DNAJC1: variants seen among roughly 807,000 people sequenced by gnomAD.
DNAJC1 encodes DnaJ heat shock protein family (Hsp40) member C1, also known as dnaJ homolog subfamily C member 1.
Under a neutral mutation model 76.6 loss-of-function variants are expected in DNAJC1, and 58 were observed. The observed-to-expected ratio is 0.76, with a 90% CI of 0.61 to 0.94. The LOEUF (loss-of-function observed/expected upper bound fraction) is 0.94. Among genes scored for constraint, DNAJC1 ranks in the 40% least tolerant of loss-of-function variants. The probability of loss-of-function intolerance (pLI) is 0.00; values close to 1 mark genes in which losing one functional copy is unlikely to be tolerated. For synonymous variants in DNAJC1, 258 were observed against 267.9 expected, an observed-to-expected ratio of 0.96 and a Z score of 0.36; for missense variants, 689 against 677.3, an observed-to-expected ratio of 1.02 and a Z score of -0.19.
chr10:21,949,799 AG>A (rs943211967), intron 1 of DNAJC1, among the ~76,000 whole-genome samples: 1 of 151,990 alleles, frequency 6.6e-6, no homozygotes, highest in Non-Finnish European at 1.5e-5. Context: ...GGGAGAGTTA[AG>A]GAGGACTGAT....
rs373861552 is a variant in DNAJC1 at position 21,968,531 on chromosome 10, G to A, written c.222+34682C>T. 3.0e-4 allele frequency among the ~76,000 whole-genome samples: 45 copies of A among 148,568 alleles called. No individual in the cohort carries two copies. In the East Asian group the frequency reaches 8.5e-3, roughly 28 times the overall value. On this transcript the variant is annotated intron_variant, in intron 1 of 11. Coordinates refer to ENST00000376980, the MANE Select transcript of DNAJC1 (RefSeq NM_022365.4). ...TTTTTTTTTTTTTCTTTTTTGAGAC[G>A]GAGTCTCACTCTGTCACCCAGGCTG...
chr10:21,908,115 T>TATATAATATATAATATATAAAA (rs1836782515), intron 6 of DNAJC1, among the ~76,000 whole-genome samples: 1 of 106,892 alleles, frequency 9.4e-6, no homozygotes, highest in African/African-American at 3.9e-5. Context: ...ATATAAAATA[T>TATATAATATATAATATATAAAA]ATATATAATA....
At chr10:21,934,602 T>C (rs1837282285) in intron 1 of DNAJC1, among the ~76,000 whole-genome samples, 1 of 152,212 alleles carries the variant, frequency 6.6e-6, no homozygotes, top group Non-Finnish European at 1.5e-5. Flanking sequence ...TATGTTTAAA[T>C]ATGTTTAGAT....
At chr10:21,837,921 G>T in intron 8 of DNAJC1, among the ~76,000 whole-genome samples, 1 of 146,272 alleles carries the variant, frequency 6.8e-6, no homozygotes, top group East Asian at 2.0e-4. Flanking sequence ...GGGAGGTGGC[G>T]GGCAGCCCCC....
At chr10:21,946,373 A>G (rs1837505455) in intron 1 of DNAJC1, among the ~76,000 whole-genome samples, 1 of 152,262 alleles carries the variant, frequency 6.6e-6, no homozygotes, top group East Asian at 1.9e-4. Context: ...AAATATATAA[A>G]AAGTATTCAA....
Position 21,778,183 on chromosome 10 carries a change from G to C in DNAJC1, c.1099-11874C>G, listed in dbSNP as rs149760665. ...CACTCCAGCCTGGGCGACAGAGTGA[G>C]ACTTCATCTCAAAAAAGAAAAAAAA... On this transcript the variant is annotated intron_variant, in intron 9 of 11. Transcript: ENST00000376980. Among the ~76,000 whole-genome samples the C allele has an allele frequency of 2.6e-3, 396 of 152,112 alleles. 1 individual carries two copies. Among genetic ancestry groups the C allele is most frequent in the African/African-American group, 8.9e-3 (369 of 41,500 alleles).
chr10:21,946,814 G>A (rs1837513207), intron 1 of DNAJC1, among the ~76,000 whole-genome samples: 1 of 152,170 alleles, frequency 6.6e-6, no homozygotes, highest in Non-Finnish European at 1.5e-5. Flanking sequence ...TCCTGCTATG[G>A]TTTGAATGTG....
chr10:21,912,313 T>A (rs1435894971), intron 6 of DNAJC1, among the ~76,000 whole-genome samples: 1 of 152,186 alleles, frequency 6.6e-6, no homozygotes, highest in Non-Finnish European at 1.5e-5. Context: ...CTATAAAATA[T>A]GGAATTGATG....
At chr10:21,792,595 G>GA (rs1357730205) in intron 9 of DNAJC1, among the ~76,000 whole-genome samples, 2 of 151,290 alleles carry the variant, frequency 1.3e-5, no homozygotes, top group African/African-American at 4.9e-5. Flanking sequence ...TGTCTCTACT[G>GA]AAAATACAAA....
At chr10:21,928,775 A>C (rs1455858243) in intron 2 of DNAJC1, among the ~76,000 whole-genome samples, 5 of 152,180 alleles carry the variant, frequency 3.3e-5, no homozygotes, top group Non-Finnish European at 7.4e-5. Flanking sequence ...CAAAAGTAAT[A>C]CTTATCTTAA....
chr10:21,867,831 G>C lies in DNAJC1; in HGVS notation c.978+14451C>G, dbSNP rs183308186. ...TCACGTTTGTAATCCCAGCACTTTG[G>C]GAGGCCGAGGCGGGCAGATCACCTG... On this transcript the variant is annotated intron_variant, in intron 8 of 11. Coordinates refer to ENST00000376980, the MANE Select transcript of DNAJC1 (RefSeq NM_022365.4). Among the ~76,000 whole-genome samples the C allele has an allele frequency of 1.9e-3, 290 of 152,032 alleles. 4 individuals are homozygous for C. Among genetic ancestry groups the C allele is most frequent in the Middle Eastern group, 0.01 (3 of 294 alleles).
chr10:21,796,738 T>G (rs1589983977), intron 9 of DNAJC1, among the ~76,000 whole-genome samples: 1 of 152,324 alleles, frequency 6.6e-6, no homozygotes, highest in East Asian at 1.9e-4. Flanking sequence ...GTTGGCCATT[T>G]CTATGTCATC....
chr10:21,883,076 C>T (rs573039883), intron 7 of DNAJC1, among the ~76,000 whole-genome samples: 3 of 151,988 alleles, frequency 2.0e-5, no homozygotes, highest in African/African-American at 7.3e-5. Context: ...ATGGCAAAAC[C>T]CTTCTTCTAC....
intron 8 of DNAJC1, among the ~76,000 whole-genome samples, chr10:21,860,505 A>G (rs118087104): frequency 0.031 from 4,748 of 152,136 alleles, 124 homozygotes; most frequent in Middle Eastern, 0.065. Context: ...AGCCTGACCA[A>G]AAATAGTGAA....
chr10:21,803,575 TAC>T (rs1307381316), intron 9 of DNAJC1, among the ~76,000 whole-genome samples: 1 of 150,450 alleles, frequency 6.6e-6, no homozygotes, highest in Non-Finnish European at 1.5e-5. Context: ...TGTTCTCTTT[TAC>T]AGAGTGATTT....
chr10:21,920,820 G>A lies in DNAJC1; in HGVS notation c.515C>T (p.Ser172Leu), dbSNP rs1457757289. Residue 172 changes from serine (S) to leucine (L), a missense_variant, in exon 4 of 12, where the codon TCA becomes TTA. Physicochemically the swap from Ser to Leu is moderately radical, Grantham distance 145 (BLOSUM62 -2). Coordinates refer to ENST00000376980, the MANE Select transcript of DNAJC1 (RefSeq NM_022365.4). ...TACCAGTTGTTTTTCCAGGTAGATT[G>A]ACCAAACCACAGCATAATGACCCAC... ...LTVGHYAVVW[S>L]IYLEKQLDEL... is the part of the protein sequence containing the mutation. 1.2e-6 allele frequency: 2 copies of A among 1,611,496 alleles called. No homozygotes were observed. Among genetic ancestry groups the A allele is most frequent in the South Asian group, 1.1e-5 (1 of 90,666 alleles).
intron 8 of DNAJC1, among the ~76,000 whole-genome samples, chr10:21,845,789 T>C (rs550892474): frequency 2.6e-5 from 4 of 152,216 alleles, no homozygotes; most frequent in South Asian, 4.2e-4. Flanking sequence ...GGTAATCTGA[T>C]AGTAAGATAA....
In DNAJC1 at chr10:21,878,297, C is replaced by T. The variant is rs1836220181; in HGVS notation, c.978+3985G>A. Reference sequence around the variant, plus strand: ...AAACTGCTCACACAGAGATGATTAGCATCATCGGGAGGTTTAAGCCAACAC... The same window carrying T: ...AAACTGCTCACACAGAGATGATTAGTATCATCGGGAGGTTTAAGCCAACAC... On this transcript the variant is annotated intron_variant, in intron 8 of 11. Coordinates refer to ENST00000376980, the MANE Select transcript of DNAJC1 (RefSeq NM_022365.4). 4.6e-5 allele frequency among the ~76,000 whole-genome samples: 7 copies of T among 152,302 alleles called. No individual in the cohort carries two copies. In the South Asian group the frequency reaches 1.4e-3, roughly 32 times the overall value.
At chr10:21,763,861 A>G in intron 10 of DNAJC1, among the ~76,000 whole-genome samples, 1 of 152,152 alleles carries the variant, frequency 6.6e-6, no homozygotes, top group East Asian at 1.9e-4. Context: ...TCAGCCTGTG[A>G]GTGCTGTGGA....
Sources: gnomAD v4.1 joint callset for allele counts (sites outside exome capture counted in the v4.1 genomes callset) on GRCh38, gnomAD v4.1.1 for gene constraint, MANE v1.5 for transcripts, NCBI Gene and HGNC (gene_info 2026-07-23, HGNC 2026-07-21) for gene names.